The following CEP128 variants were observed in gnomAD, a reference collection of about 807,000 sequenced individuals.
CEP128 encodes centrosomal protein 128, also known as centrosomal protein 128kDa.
In CEP128, 132 loss-of-function variants were observed where a neutral mutation model predicts 156.7. The ratio of observed to expected loss-of-function variants is 0.84; its 90% CI spans 0.73 to 0.97. The LOEUF (loss-of-function observed/expected upper bound fraction) is 0.97, where lower values mean the gene tolerates loss of function less well. Ranked by LOEUF, CEP128 falls within the 50% of genes least tolerant of loss-of-function variation. The pLI is 0.00. For missense variants in CEP128, 1,252 were observed against 1,281.9 expected, an observed-to-expected ratio of 0.98 and a Z score of 0.36; for synonymous variants, 469 against 448.9, an observed-to-expected ratio of 1.04 and a Z score of -0.57.
At chr14:80,612,859 G>C (rs2140595358) in intron 19 of CEP128, among the ~76,000 whole-genome samples, 1 of 151,736 alleles carries the variant, frequency 6.6e-6, no homozygotes, top group South Asian at 2.1e-4. Flanking sequence ...TTTTGTTTTT[G>C]TTTTTTTCAT....
chr14:80,551,383 A>G (rs1217939154), intron 21 of CEP128, among the ~76,000 whole-genome samples: 1 of 152,212 alleles, frequency 6.6e-6, no homozygotes. Flanking sequence ...TATTTTTGAT[A>G]TATTTATCTT....
chr14:80,663,011 C>T (rs10134651), intron 19 of CEP128, among the ~76,000 whole-genome samples: 14,226 of 152,144 alleles, frequency 0.094, 2,220 homozygotes, highest in African/African-American at 0.33. Context: ...TCTTTTTGTA[C>T]CATCCTTGAC....
intron 19 of CEP128, among the ~76,000 whole-genome samples, chr14:80,693,367 C>T (rs1896781451): frequency 6.6e-6 from 1 of 152,060 alleles, no homozygotes; most frequent in Non-Finnish European, 1.5e-5. Flanking sequence ...TCTGAGAGAA[C>T]AAAGGTTGTA....
chr14:80,621,539 T>C (rs916676875), intron 19 of CEP128, among the ~76,000 whole-genome samples: 1 of 152,156 alleles, frequency 6.6e-6, no homozygotes, highest in Non-Finnish European at 1.5e-5. Context: ...ATTCTACAGA[T>C]AGGGCAAAAC....
At chr14:80,483,810 C>G (rs571882894) in intron 14 of CEP128, among the ~76,000 whole-genome samples, 3 of 152,240 alleles carry the variant, frequency 2.0e-5, no homozygotes, top group African/African-American at 7.2e-5. Context: ...TTTGTAGAAG[C>G]TATACATAAT....
chr14:80,501,761 C>T (rs901278295), intron 24 of CEP128, among the ~76,000 whole-genome samples: 1 of 151,960 alleles, frequency 6.6e-6, no homozygotes, highest in African/African-American at 2.4e-5. Flanking sequence ...ACCTCGGCCT[C>T]CCACCTCCTT....
chr14:80,903,786 C>A (rs1883716107), intron 6 of CEP128, among the ~76,000 whole-genome samples: 1 of 151,962 alleles, frequency 6.6e-6, no homozygotes, highest in Admixed American at 6.6e-5. Context: ...AAGTTAAAAC[C>A]ACAGTGAGAT....
rs188536152 is a variant in CEP128, at chr14:80,920,565, G to A, written c.-15-4003C>T. Among the ~76,000 whole-genome samples, 10 of 152,242 alleles carry A rather than the reference G, an allele frequency of 6.6e-5. No individual in the cohort carries two copies. In the South Asian group the frequency reaches 1.9e-3, roughly 28 times the overall value. Reference sequence around the variant, plus strand: ...AAATAGTAATATCACTGGCATTAATGAAAACTGACCAGGCCTCTGAAAATA... The same window carrying A: ...AAATAGTAATATCACTGGCATTAATAAAAACTGACCAGGCCTCTGAAAATA... On this transcript the variant is annotated intron_variant, in intron 2 of 24. Coordinates refer to ENST00000555265, the MANE Select transcript of CEP128 (RefSeq NM_152446.5).
chr14:80,505,977 T>C (rs1205843148), intron 23 of CEP128, among the ~76,000 whole-genome samples: 2 of 152,090 alleles, frequency 1.3e-5, no homozygotes, highest in African/African-American at 4.8e-5. Context: ...AAATAAATGA[T>C]ATAATAAAAA....
At chr14:80,851,545 C>T (rs932023357) in intron 9 of CEP128, among the ~76,000 whole-genome samples, 4 of 151,180 alleles carry the variant, frequency 2.6e-5, no homozygotes, top group African/African-American at 7.3e-5. Context: ...ATCAAAAGAA[C>T]AGAAATATAA....
At chr14:80,540,297 C>A (rs981340791) in intron 21 of CEP128, among the ~76,000 whole-genome samples, 2 of 151,722 alleles carry the variant, frequency 1.3e-5, no homozygotes, top group Admixed American at 1.3e-4. Flanking sequence ...GGCGGCCCAG[C>A]TGTAAAATTT....
At position 80,818,637 on chromosome 14, in the gene CEP128, T is replaced by C. The variant is rs546253976; in HGVS notation, c.1209+12506A>G. Among the ~76,000 whole-genome samples the C allele has an allele frequency of 3.3e-5, 5 of 152,348 alleles. No individual in the cohort carries two copies. In the South Asian group the frequency reaches 8.3e-4, roughly 25 times the overall value. On this transcript the variant is annotated intron_variant, in intron 13 of 24. Transcript: ENST00000555265. ...GACCCAGGTCATGTGTAGTAAAATGTATGAAATTTGCTTTCTCCCTGAAGC... is the reference window on the plus strand; with the variant it reads ...GACCCAGGTCATGTGTAGTAAAATGCATGAAATTTGCTTTCTCCCTGAAGC...
intron 23 of CEP128, among the ~76,000 whole-genome samples, chr14:80,526,359 T>C (rs1241065874): frequency 6.6e-6 from 1 of 152,152 alleles, no homozygotes; most frequent in East Asian, 1.9e-4. Context: ...ATGTATGCTT[T>C]TTGTTAATAC....
intron 18 of CEP128, among the ~76,000 whole-genome samples, chr14:80,749,456 G>A (rs996470205): frequency 3.9e-5 from 6 of 152,148 alleles, no homozygotes; most frequent in Non-Finnish European, 7.3e-5. Flanking sequence ...CACACAAAAG[G>A]TGAATCCTGT....
At chr14:80,565,530 C>T (rs1432142160) in intron 20 of CEP128, among the ~76,000 whole-genome samples, 3 of 152,150 alleles carry the variant, frequency 2.0e-5, no homozygotes, top group Non-Finnish European at 4.4e-5. Flanking sequence ...GATAAATAGG[C>T]TCTATCTAAG....
At chr14:80,745,069 A>T (rs981505041) in intron 18 of CEP128, among the ~76,000 whole-genome samples, 8 of 152,194 alleles carry the variant, frequency 5.3e-5, no homozygotes, top group African/African-American at 1.9e-4. Context: ...ATGTCGAATT[A>T]TAATTTCCAA....
At chr14:80,801,471 G>T (rs1420545420) in intron 13 of CEP128, among the ~76,000 whole-genome samples, 2 of 200 alleles carry the variant, frequency 0.01, no homozygotes, top group Non-Finnish European at 0.012. Context: ...TTTATCAAAG[G>T]CCTTTTGCTG....
At chr14:80,640,904 G>A (rs1427631521) in intron 19 of CEP128, among the ~76,000 whole-genome samples, 1 of 152,178 alleles carries the variant, frequency 6.6e-6, no homozygotes. Flanking sequence ...AGATTGAAGA[G>A]CATGAGTTTT....
chr14:80,846,666 G>A (rs1697992313), intron 9 of CEP128, among the ~76,000 whole-genome samples: 1 of 152,114 alleles, frequency 6.6e-6, no homozygotes, highest in African/African-American at 2.4e-5. Context: ...TATATTGCAA[G>A]CATTTAATAA....
Sources: gnomAD v4.1 joint callset for allele counts (sites outside exome capture counted in the v4.1 genomes callset) on GRCh38, gnomAD v4.1.1 for gene constraint, MANE v1.5 for transcripts, NCBI Gene and HGNC (gene_info 2026-07-23, HGNC 2026-07-21) for gene names.